APBB2: variants seen among roughly 807,000 people sequenced by gnomAD.
APBB2 encodes the protein Fe65-like 1.
In APBB2, 38 loss-of-function variants were observed where a neutral mutation model predicts 82.5. The observed-to-expected ratio is 0.46, with a 90% confidence interval of 0.36 to 0.60. APBB2 has a LOEUF of 0.60. APBB2 is among the 20% of genes least tolerant of loss of function. The pLI is 0.00. For missense variants in APBB2, 772 were observed against 972.3 expected, an observed-to-expected ratio of 0.79 and a Z score of 2.74; for synonymous variants, 341 against 368.2, an observed-to-expected ratio of 0.93 and a Z score of 0.85.
intron 10 of APBB2, among the ~76,000 whole-genome samples, chr4:40,905,569 G>A (rs1052142123): frequency 8.5e-5 from 13 of 152,114 alleles, no homozygotes; most frequent in Non-Finnish European, 1.3e-4. Flanking sequence ...TCCTGCCTGC[G>A]AAGTCTATTC....
chr4:41,102,405 C>T (rs1287047862), intron 2 of APBB2, among the ~76,000 whole-genome samples: 3 of 152,172 alleles, frequency 2.0e-5, no homozygotes, highest in Admixed American at 6.5e-5. Flanking sequence ...TCACATTTCA[C>T]CTATCCCCTG....
chr4:41,009,854 TA>T (rs1445884254), intron 6 of APBB2, among the ~76,000 whole-genome samples: 1 of 152,236 alleles, frequency 6.6e-6, no homozygotes, highest in African/African-American at 2.4e-5. Flanking sequence ...ATATACTATA[TA>T]AAACATACAT....
chr4:40,949,254 G>C (rs1789382792), intron 6 of APBB2, among the ~76,000 whole-genome samples: 1 of 78,844 alleles, frequency 1.3e-5, no homozygotes. Context: ...GGGCAACAGA[G>C]TGAGACTGTC....
rs151249394 is a variant in APBB2, at chr4:41,185,096, G to A, written c.-417+29309C>T. The stretch of plus-strand genomic sequence containing the variant: ...TCCCCAAAGCCTAAAATGGCACCTC[G>A]CAGGAAAGGAGAAATGATTGAATGG... On this transcript the variant is annotated intron_variant, in intron 1 of 17. Transcript: ENST00000508593. Among the ~76,000 whole-genome samples the A allele has an allele frequency of 1.7e-3, 257 of 152,226 alleles. 4 individuals are homozygous for A. The highest frequency in any genetic ancestry group is 3.9e-4 in the East Asian group (2 of 5,190).
At chr4:40,975,796 C>T (rs568292925) in intron 6 of APBB2, among the ~76,000 whole-genome samples, 10 of 106,018 alleles carry the variant, frequency 9.4e-5, no homozygotes, top group African/African-American at 3.0e-4. Context: ...ACACAACAAC[C>T]ACTCTACTTT....
chr4:40,903,119 G>C (rs901860915), intron 10 of APBB2, among the ~76,000 whole-genome samples: 1 of 151,882 alleles, frequency 6.6e-6, no homozygotes, highest in African/African-American at 2.4e-5. Context: ...TTCCAGCAGT[G>C]GCTTAGGTGA....
At chr4:41,070,317 T>C (rs562959544) in intron 3 of APBB2, among the ~76,000 whole-genome samples, 1 of 152,304 alleles carries the variant, frequency 6.6e-6, no homozygotes, top group African/African-American at 2.4e-5. Flanking sequence ...ATTTTACTTA[T>C]TTATTTTTTG....
rs527483949 is a variant in APBB2, at chr4:40,884,635, A to T, written c.1529+5729T>A. ...CTACAAAAATAAAAATAAAAAAAAC[A>T]CCTGTAGTCCCAGCTAACTCAGGAT... On this transcript the variant is annotated intron_variant, in intron 12 of 17. Coordinates refer to ENST00000508593, the MANE Select transcript of APBB2 (RefSeq NM_004307.2). Among the ~76,000 whole-genome samples the T allele has an allele frequency of 1.3e-3, 191 of 152,036 alleles. 2 individuals carry two copies. Among genetic ancestry groups the T allele is most frequent in the Middle Eastern group, 6.8e-3 (2 of 294 alleles).
intron 1 of APBB2, among the ~76,000 whole-genome samples, chr4:41,146,361 G>A (rs1760745798): frequency 6.7e-6 from 1 of 148,730 alleles, no homozygotes; most frequent in South Asian, 2.1e-4. Context: ...CGGGCATGAT[G>A]GCACATGCCT....
intron 10 of APBB2, among the ~76,000 whole-genome samples, chr4:40,912,314 C>T (rs1778774730): frequency 6.6e-6 from 1 of 152,224 alleles, no homozygotes; most frequent in Non-Finnish European, 1.5e-5. Context: ...CACGGTGGCT[C>T]ACGCCTGTAA....
chr4:41,116,560 G>A (rs1032730841), intron 2 of APBB2, among the ~76,000 whole-genome samples: 5 of 152,140 alleles, frequency 3.3e-5, no homozygotes, highest in Admixed American at 6.5e-5. Flanking sequence ...GAACCTGGGA[G>A]GCAGAGGTTG....
intron 3 of APBB2, among the ~76,000 whole-genome samples, chr4:41,080,599 T>C (rs1737234040): frequency 6.6e-6 from 1 of 151,856 alleles, no homozygotes. Flanking sequence ...TGTTATTTCA[T>C]AAAGACTTGT....
At chr4:41,025,296 T>C (rs6827327) in intron 5 of APBB2, among the ~76,000 whole-genome samples, 6,960 of 152,106 alleles carry the variant, frequency 0.046, 338 homozygotes, top group African/African-American at 0.12. Flanking sequence ...TCAATACCGC[T>C]GATCATTAAA....
intron 1 of APBB2, among the ~76,000 whole-genome samples, chr4:41,180,799 T>A (rs1361993446): frequency 6.6e-6 from 1 of 152,230 alleles, no homozygotes; most frequent in East Asian, 1.9e-4. Context: ...TCCTACACTA[T>A]GACCATCCTC....
At chr4:40,823,120 C>T (rs1226583878) in intron 16 of APBB2, among the ~76,000 whole-genome samples, 2 of 152,194 alleles carry the variant, frequency 1.3e-5, no homozygotes, top group Admixed American at 1.3e-4. Context: ...GGATTTAAGT[C>T]CTGATTCCAT....
At chr4:40,948,702 G>A (rs1789136633) in intron 6 of APBB2, among the ~76,000 whole-genome samples, 1 of 148,680 alleles carries the variant, frequency 6.7e-6, no homozygotes, top group Non-Finnish European at 1.5e-5. Context: ...GGAGGTTGCA[G>A]TGAGCTGAGA....
At chr4:40,987,863 G>A (rs1800798617) in intron 6 of APBB2, among the ~76,000 whole-genome samples, 1 of 152,180 alleles carries the variant, frequency 6.6e-6, no homozygotes, top group Non-Finnish European at 1.5e-5. Context: ...GAGCAGAAGG[G>A]AATTAGAAAG....
At chr4:40,886,822 G>A (rs991564608) in intron 12 of APBB2, among the ~76,000 whole-genome samples, 28 of 152,296 alleles carry the variant, frequency 1.8e-4, no homozygotes, top group African/African-American at 6.5e-4. Flanking sequence ...GGTGCTCCTG[G>A]GGCTGAACTA....
chr4:40,998,546 A>T (rs759665537), intron 6 of APBB2, among the ~76,000 whole-genome samples: 1 of 152,190 alleles, frequency 6.6e-6, no homozygotes, highest in Non-Finnish European at 1.5e-5. Context: ...TTTTTAACCT[A>T]TGTATCTGTA....
Sources: allele counts gnomAD v4.1 joint callset (sites outside exome capture counted in the v4.1 genomes callset), GRCh38; gene constraint gnomAD v4.1.1; transcripts MANE v1.5; gene names NCBI Gene and HGNC (gene_info 2026-07-23, HGNC 2026-07-21).